The following VPS13A variants were observed in gnomAD, a reference collection of about 807,000 sequenced individuals.
VPS13A encodes vacuolar protein sorting 13 homolog A.
Under a neutral mutation model 390.9 loss-of-function variants are expected in VPS13A, and 264 were observed. The ratio of observed to expected loss-of-function variants is 0.68; its 90% confidence interval spans 0.61 to 0.75. The LOEUF (loss-of-function observed/expected upper bound fraction) is 0.75, where lower values mean the gene tolerates loss of function less well. VPS13A is among the 30% of genes least tolerant of loss of function. The pLI, the probability that VPS13A is intolerant of heterozygous loss-of-function variation, is 0.00. For synonymous variants in VPS13A, 1,231 were observed against 1,227.1 expected (o/e 1.00, Z -0.07); for missense variants, 3,409 against 3,733.9 (o/e 0.91, Z 2.27).
intron 68 of VPS13A, among the ~76,000 whole-genome samples, chr9:77,392,598 C>T (rs1490447264): frequency 6.6e-6 from 1 of 151,890 alleles, no homozygotes; most frequent in Non-Finnish European, 1.5e-5. Flanking sequence ...TTCCAGACCA[C>T]CAGAATAAAG....
At chr9:77,236,431 TGTG>T (rs1160421690) in intron 17 of VPS13A, among the ~76,000 whole-genome samples, 2 of 152,206 alleles carry the variant, frequency 1.3e-5, no homozygotes, top group Middle Eastern at 3.2e-3. Flanking sequence ...AGTGGTATAA[TGTG>T]GTAACTGTGG....
At chr9:77,302,138 A>G (rs1321356823) in intron 33 of VPS13A, among the ~76,000 whole-genome samples, 2 of 151,734 alleles carry the variant, frequency 1.3e-5, no homozygotes, top group Non-Finnish European at 2.9e-5. Flanking sequence ...TTGTATTTTT[A>G]GTAGAGATGG....
intron 50 of VPS13A, 73 bp from the exon 51 acceptor site, chr9:77,344,080 G>A: frequency 7.5e-7 from 1 of 1,331,078 alleles, no homozygotes; most frequent in Non-Finnish European, 1.0e-6. Flanking sequence ...ATTCTGATGG[G>A]AATATTAAGA....
chr9:77,386,771 G>A (rs536965502), intron 68 of VPS13A, among the ~76,000 whole-genome samples: 6 of 149,720 alleles, frequency 4.0e-5, no homozygotes, highest in South Asian at 2.1e-4. Context: ...GCAGTGGCGC[G>A]ATCTCGGCTG....
chr9:77,382,538 A>G, intron 68 of VPS13A: 1 of 1,204,978 alleles, frequency 8.3e-7, no homozygotes, highest in Non-Finnish European at 1.0e-6. Flanking sequence ...GGTGGTACTT[A>G]CTTAACCAAT....
At chr9:77,214,465 T>A (rs1822740562) in intron 10 of VPS13A, 79 bp downstream of exon 10, 6 of 1,143,060 alleles carry the variant, frequency 5.2e-6, no homozygotes, top group Non-Finnish European at 6.5e-6. Flanking sequence ...GCTATCACTG[T>A]GCTAGTTCCT....
At chr9:77,275,459 T>C in intron 24 of VPS13A, 39 bp from the exon 25 acceptor site, 1 of 1,584,220 alleles carries the variant, frequency 6.3e-7, no homozygotes, top group South Asian at 1.1e-5. Context: ...AAATTGATCA[T>C]TTTAATTATT....
chr9:77,185,913 G>A (rs556926337), intron 1 of VPS13A, among the ~76,000 whole-genome samples: 2 of 152,292 alleles, frequency 1.3e-5, no homozygotes, highest in African/African-American at 4.8e-5. Context: ...GATCATTTAA[G>A]GTTAAGAGTA....
At position 77,405,318 on chromosome 9, in the gene VPS13A, C is replaced by T. The variant is rs755049641; in HGVS notation, c.9276-546C>T. Among the ~76,000 whole-genome samples the T allele has an allele frequency of 5.7e-4, 87 of 152,044 alleles. 1 individual carries two copies. Among genetic ancestry groups the T allele is most frequent in the Non-Finnish European group, 7.9e-4 (54 of 68,000 alleles). On this transcript the variant is annotated intron_variant, in intron 69 of 71. Coordinates refer to ENST00000360280, the MANE Select transcript of VPS13A (RefSeq NM_033305.3). ...TTTTTTCTGATGTAGTTGGGAAATA[C>T]GTTACATGGAGCCTTAGAAATGAAA...
In VPS13A at chr9:77,384,622, G is replaced by A; in HGVS notation, c.9189+2535G>A. On this transcript the variant is annotated intron_variant, in intron 68 of 71. Coordinates refer to ENST00000360280, the MANE Select transcript of VPS13A (RefSeq NM_033305.3). ...TACAGGGAGTGGATTATGACTCACAGTAGCAGTAGTGATGATGATGATGAT... is the reference window on the plus strand; with the variant it reads ...TACAGGGAGTGGATTATGACTCACAATAGCAGTAGTGATGATGATGATGAT... The A allele has an allele frequency of 1.9e-6, 3 of 1,610,134 alleles. No individual in the cohort carries two copies. The East Asian group carries it at 6.7e-5, about 36-fold the overall frequency.
intron 9 of VPS13A, among the ~76,000 whole-genome samples, chr9:77,213,764 A>G (rs1826104821): frequency 6.6e-6 from 1 of 152,052 alleles, no homozygotes; most frequent in Admixed American, 6.6e-5. Flanking sequence ...TCAGCCTTCC[A>G]AAGTGTTGGG....
intron 33 of VPS13A, among the ~76,000 whole-genome samples, chr9:77,301,381 A>C (rs1285464513): frequency 2.6e-5 from 4 of 152,204 alleles, no homozygotes; most frequent in African/African-American, 7.2e-5. Context: ...AGCATTCCCT[A>C]TGGGGCTTTT....
At chr9:77,301,419 G>A (rs915834603) in intron 33 of VPS13A, among the ~76,000 whole-genome samples, 6 of 152,096 alleles carry the variant, frequency 3.9e-5, no homozygotes, top group East Asian at 1.9e-4. Context: ...ACCATTAAGC[G>A]GAGACTGCAA....
Position 77,207,215 on chromosome 9 carries a change from A to T in VPS13A, c.385+1136A>T, listed in dbSNP as rs867353756. ...CTGTGTCTTGATTTATTTAGATATT[A>T]TATATATATATATATATATATATAT... On this transcript the variant is annotated intron_variant, in intron 5 of 71. Coordinates refer to ENST00000360280, the MANE Select transcript of VPS13A (RefSeq NM_033305.3). Among the ~76,000 whole-genome samples, 186 of 41,000 alleles carry T rather than the reference A, an allele frequency of 4.5e-3. 2 individuals are homozygous for T. The highest frequency in any genetic ancestry group is 0.023 in the African/African-American group (156 of 6,844). The allele number at this position is 41,000 out of a possible 152,430, so 26.9% of individuals were successfully genotyped here. A position where few individuals can be genotyped will look rare whatever the true frequency, so the allele number is the denominator to read the frequency against.
chr9:77,406,760 T>C (rs992665978), intron 70 of VPS13A, among the ~76,000 whole-genome samples: 5 of 151,944 alleles, frequency 3.3e-5, no homozygotes, highest in African/African-American at 9.7e-5. Flanking sequence ...GTAATTCTTC[T>C]AGTGTCTGTA....
chr9:77,272,646 T>A (rs1404048939), intron 23 of VPS13A, among the ~76,000 whole-genome samples: 2 of 152,140 alleles, frequency 1.3e-5, no homozygotes, highest in African/African-American at 4.8e-5. Flanking sequence ...AGATAATCAT[T>A]CATAGGTGCT....
chr9:77,338,996 G>A (rs1416530795), intron 47 of VPS13A: 1 of 166,464 alleles, frequency 6.0e-6, no homozygotes, highest in Non-Finnish European at 1.3e-5. Context: ...GATAATAGAA[G>A]GGAGGGTCGA....
At chr9:77,178,551 G>C (rs1823800784) in intron 1 of VPS13A, among the ~76,000 whole-genome samples, 1 of 152,192 alleles carries the variant, frequency 6.6e-6, no homozygotes, top group African/African-American at 2.4e-5. Flanking sequence ...GAATTTTAAA[G>C]AAAAACCAGG....
chr9:77,333,975 TG>T (rs1830412869), intron 46 of VPS13A, among the ~76,000 whole-genome samples: 1 of 151,976 alleles, frequency 6.6e-6, no homozygotes, highest in Admixed American at 6.6e-5. Context: ...TAGGAAACAG[TG>T]GGTTATAGAG....
Sources: gnomAD v4.1 joint callset for allele counts (sites outside exome capture counted in the v4.1 genomes callset) on GRCh38, gnomAD v4.1.1 for gene constraint, MANE v1.5 for transcripts, NCBI Gene and HGNC (gene_info 2026-07-23, HGNC 2026-07-21) for gene names.